Variants in NBEA observed in about 807,000 individuals in gnomAD.
The protein encoded by NBEA is lysosomal-trafficking regulator 2.
NBEA carries 44 observed loss-of-function variants against 343.4 expected under a neutral mutation model. That is an observed-to-expected ratio of 0.13 (90% confidence interval 0.10 to 0.16). The LOEUF (loss-of-function observed/expected upper bound fraction) is 0.16. Among genes scored for constraint, NBEA ranks in the 10% least tolerant of loss-of-function variants. NBEA has a pLI of 1.00. For missense variants in NBEA, 2,555 were observed against 3,631.3 expected, an observed-to-expected ratio of 0.70 and a Z score of 7.62; for synonymous variants, 1,175 against 1,238.7, an observed-to-expected ratio of 0.95 and a Z score of 1.08.
chr13:35,319,594 AG>A (rs2037994683), intron 36 of NBEA, among the ~76,000 whole-genome samples: 1 of 152,098 alleles, frequency 6.6e-6, no homozygotes, highest in Non-Finnish European at 1.5e-5. Flanking sequence ...AGAGTTCTGT[AG>A]ATGTCTATTA....
chr13:35,563,604 A>G (rs1593233339), intron 44 of NBEA, among the ~76,000 whole-genome samples: 1 of 151,978 alleles, frequency 6.6e-6, no homozygotes, highest in East Asian at 1.9e-4. Context: ...AACAAGCATT[A>G]ATGTCATATT....
chr13:35,209,332 G>A (rs911311112), intron 32 of NBEA, among the ~76,000 whole-genome samples: 2 of 152,088 alleles, frequency 1.3e-5, no homozygotes, highest in African/African-American at 2.4e-5. Context: ...ATATGCAAGC[G>A]CCTCAACTTG....
At chr13:35,509,544 G>A (rs184662421) in intron 41 of NBEA, among the ~76,000 whole-genome samples, 1 of 152,308 alleles carries the variant, frequency 6.6e-6, no homozygotes, top group East Asian at 1.9e-4. Flanking sequence ...GCCAGAGAGA[G>A]GCCTCTAAGT....
chr13:35,426,348 G>C (rs138831308), intron 38 of NBEA, among the ~76,000 whole-genome samples: 2,227 of 152,240 alleles, frequency 0.015, 69 homozygotes, highest in African/African-American at 0.05. Flanking sequence ...GCCTGGTAGT[G>C]ACAAAATCTC....
intron 38 of NBEA, among the ~76,000 whole-genome samples, chr13:35,383,875 A>G (rs1288204211): frequency 6.6e-6 from 1 of 152,098 alleles, no homozygotes; most frequent in Non-Finnish European, 1.5e-5. Flanking sequence ...GTGTATGAGC[A>G]TGTTTAAACA....
At chr13:35,325,532 G>A (rs2250408) in intron 36 of NBEA, among the ~76,000 whole-genome samples, 29,224 of 151,590 alleles carry the variant, frequency 0.19, 3,073 homozygotes, top group African/African-American at 0.26. Context: ...TGATACCAAC[G>A]CCAGAAAAAG....
chr13:35,479,716 GT>G (rs913772564), intron 41 of NBEA, among the ~76,000 whole-genome samples: 6 of 151,978 alleles, frequency 3.9e-5, no homozygotes, highest in African/African-American at 7.2e-5. Context: ...AATGTGAAAA[GT>G]TTTTTTAAAA....
At chr13:35,235,036 A>G (rs1015188509) in intron 34 of NBEA, among the ~76,000 whole-genome samples, 2 of 152,194 alleles carry the variant, frequency 1.3e-5, no homozygotes, top group East Asian at 1.9e-4. Context: ...AGTTCTTCAA[A>G]TATTATTAAC....
At chr13:35,491,252 T>C (rs1239533257) in intron 41 of NBEA, among the ~76,000 whole-genome samples, 4 of 151,890 alleles carry the variant, frequency 2.6e-5, no homozygotes, top group Non-Finnish European at 5.9e-5. Flanking sequence ...TGATAGCATA[T>C]AGCAGGTACT....
intron 38 of NBEA, among the ~76,000 whole-genome samples, chr13:35,397,286 G>A (rs1256277355): frequency 2.0e-5 from 3 of 152,148 alleles, no homozygotes; most frequent in African/African-American, 7.2e-5. Context: ...TACTGTCAGT[G>A]CTTTTACCTT....
chr13:35,127,244 A>G (rs893880257), intron 17 of NBEA, among the ~76,000 whole-genome samples: 6 of 152,170 alleles, frequency 3.9e-5, no homozygotes, highest in Non-Finnish European at 7.4e-5. Context: ...AAATGAAGAA[A>G]GTGGGAGCCA....
chr13:35,272,889 C>G (rs963262143), intron 34 of NBEA, among the ~76,000 whole-genome samples: 7 of 152,036 alleles, frequency 4.6e-5, no homozygotes, highest in Non-Finnish European at 8.8e-5. Context: ...ACTTAGACTC[C>G]CACACAATAA....
At chr13:35,512,677 A>C (rs2077321795) in intron 41 of NBEA, among the ~76,000 whole-genome samples, 2 of 152,206 alleles carry the variant, frequency 1.3e-5, no homozygotes, top group South Asian at 2.1e-4. Context: ...TCCTACTGCC[A>C]CACAGTTCTT....
chr13:34,983,129 A>G lies in NBEA; in HGVS notation c.294+40015A>G, dbSNP rs189579095. Among the ~76,000 whole-genome samples the G allele has an allele frequency of 7.0e-3, 1,063 of 152,152 alleles. 23 individuals carry two copies. The highest frequency in any genetic ancestry group is 0.024 in the African/African-American group (1,003 of 41,502). On this transcript the variant is annotated intron_variant, in intron 1 of 58. Transcript: ENST00000379939. The stretch of plus-strand genomic sequence containing the variant: ...GTTGGTTTGCTGCACCCATTAACTC[A>G]TCATTTACATTAGGTATTTCTCCTA...
chr13:35,326,907 A>C (rs1345707884), intron 36 of NBEA, among the ~76,000 whole-genome samples: 1 of 152,100 alleles, frequency 6.6e-6, no homozygotes, highest in Non-Finnish European at 1.5e-5. Context: ...TAATATCCGG[A>C]ATCTATAAAG....
chr13:35,111,788 A>G (rs1291729024), intron 13 of NBEA, among the ~76,000 whole-genome samples: 5 of 152,204 alleles, frequency 3.3e-5, no homozygotes, highest in East Asian at 3.9e-4. Context: ...AATTTTTTTC[A>G]GGAATGTCAT....
chr13:35,014,980 G>C (rs973425232), intron 1 of NBEA, among the ~76,000 whole-genome samples: 1 of 151,606 alleles, frequency 6.6e-6, no homozygotes, highest in African/African-American at 2.4e-5. Flanking sequence ...TAGTACTGGG[G>C]AGGGGTTGGT....
chr13:35,468,610 T>A (rs2075502610), intron 40 of NBEA, among the ~76,000 whole-genome samples: 1 of 152,048 alleles, frequency 6.6e-6, no homozygotes, highest in African/African-American at 2.4e-5. Context: ...AAAATCCAGA[T>A]CCTACAATGA....
chr13:35,566,918 T>C lies in NBEA; in HGVS notation c.6936T>C (p.Asn2312=). The C allele has an allele frequency of 1.9e-6, 3 of 1,601,380 alleles. No individual in the cohort carries two copies. Among genetic ancestry groups the C allele is most frequent in the South Asian group, 2.2e-5 (2 of 90,084 alleles). Residue 2312 remains asparagine (N), a synonymous_variant, in exon 45 of 59, where the codon AAT becomes AAC. Coordinates refer to ENST00000379939, the MANE Select transcript of NBEA (RefSeq NM_001385012.1). ...FLNTIAGRTY[N]DLNQYPVFPW... ...TTTCTTTACTAGGACGGACATATAA[T>C]GATCTGAACCAATATCCAGTGTTTC...
Sources: gnomAD v4.1 joint callset for allele counts (sites outside exome capture counted in the v4.1 genomes callset) on GRCh38, gnomAD v4.1.1 for gene constraint, MANE v1.5 for transcripts, NCBI Gene and HGNC (gene_info 2026-07-23, HGNC 2026-07-21) for gene names.